The following KIR2DL4 variants were observed in gnomAD, a reference collection of about 807,000 sequenced individuals.
The protein encoded by KIR2DL4 is killer cell immunoglobulin like receptor, two Ig domains and long cytoplasmic tail 4.
A neutral mutation model predicts 31.0 loss-of-function variants in KIR2DL4; 41 were observed. The observed-to-expected ratio is 1.32, with a 90% confidence interval of 1.03 to 1.72. The LOEUF (loss-of-function observed/expected upper bound fraction) is 1.72. Among genes scored for constraint, KIR2DL4 ranks in the 40% most tolerant of loss-of-function variants. The probability of loss-of-function intolerance (pLI) is 0.00; values close to 1 mark genes in which losing one functional copy is unlikely to be tolerated. For missense variants in KIR2DL4, 438 were observed against 353.7 expected, an observed-to-expected ratio of 1.24 and a Z score of -1.91; for synonymous variants, 164 against 133.6, an observed-to-expected ratio of 1.23 and a Z score of -1.57.
intron 6 of KIR2DL4, chr19:54,813,232 A>T (rs1378706411): frequency 2.5e-6 from 4 of 1,587,618 alleles, no homozygotes; most frequent in Non-Finnish European, 3.4e-6. Context: ...AAAAAAAGTA[A>T]GCCTCACGAA....
At chr19:54,806,326 C>T (rs1235057120) in intron 4 of KIR2DL4, 82 bp downstream of exon 4, 1 of 1,407,818 alleles carries the variant, frequency 7.1e-7, no homozygotes, top group Non-Finnish European at 9.8e-7. Flanking sequence ...TGGAGAGAAG[C>T]ATGGACAGAT....
Position 54,808,852 on chromosome 19 carries a change from G to C in KIR2DL4, c.675G>C (p.Trp225Cys). 3 of 1,602,310 alleles carry C rather than the reference G, an allele frequency of 1.9e-6. No individual in the cohort carries two copies. The South Asian group carries it at 3.3e-5, about 18-fold the overall frequency. Residue 225 changes from tryptophan (W) to cysteine (C), a missense_variant, in exon 5 of 8, where the codon TGG becomes TGC. Physicochemically the swap from Trp to Cys is radical, Grantham distance 215 (BLOSUM62 -2). Transcript: ENST00000359085. ...TTCTAGGAAACCCTTCTAGTAGTTG[G>C]CCTTCACCCACTGAACCAAGCTTCA...
intron 2 of KIR2DL4, among the ~76,000 whole-genome samples, 188 bp downstream of exon 2, chr19:54,804,114 G>T (rs1038520440): frequency 2.0e-5 from 3 of 150,892 alleles, no homozygotes; most frequent in African/African-American, 7.4e-5. Context: ...AGGAGATCCT[G>T]GGAGTCTCTC....
At chr19:54,804,696 G>C (rs1353240457) in intron 2 of KIR2DL4, 97 bp from the exon 3 acceptor site, 1 of 1,340,002 alleles carries the variant, frequency 7.5e-7, no homozygotes, top group Admixed American at 2.0e-5. Context: ...TGTGGTAGGA[G>C]CCTTAGAAAG....
At chr19:54,813,969 T>G in exon 8 of KIR2DL4, 2 of 1,612,178 alleles carry the variant, frequency 1.2e-6, no homozygotes, top group East Asian at 4.5e-5. Flanking sequence ...AGCGTGTGTA[T>G]AGAACTTCCA....
At chr19:54,807,768 C>A (rs2060615662) in intron 4 of KIR2DL4, among the ~76,000 whole-genome samples, 1 of 149,044 alleles carries the variant, frequency 6.7e-6, no homozygotes, top group Non-Finnish European at 1.5e-5. Context: ...CTTCCATATT[C>A]TTCTCCTCTG....
chr19:54,803,727 C>T, intron 1 of KIR2DL4, 36 bp downstream of exon 1: 1 of 1,604,158 alleles, frequency 6.2e-7, no homozygotes, highest in African/African-American at 1.4e-5. Flanking sequence ...CAGGGTTACA[C>T]TATGGGCCTG....
intron 6 of KIR2DL4, chr19:54,813,331 C>T (rs1270998080): frequency 2.6e-6 from 4 of 1,544,676 alleles, no homozygotes; most frequent in Non-Finnish European, 3.5e-6. Context: ...GTCTCTGGCC[C>T]AAGGCAGGAG....
intron 5 of KIR2DL4, among the ~76,000 whole-genome samples, chr19:54,809,639 C>G (rs992444885): frequency 6.6e-6 from 1 of 151,380 alleles, no homozygotes; most frequent in African/African-American, 2.4e-5. Context: ...GGCTCCTGGT[C>G]CCCGTCTTCC....
chr19:54,804,040 C>A (rs2060342249), intron 2 of KIR2DL4, 114 bp downstream of exon 2: 3 of 849,256 alleles, frequency 3.5e-6, no homozygotes, highest in Non-Finnish European at 5.5e-6. Flanking sequence ...CATGGGAAGG[C>A]CTGGGGGGAG....
exon 8 of KIR2DL4, chr19:54,814,126 A>G (rs2061066596): frequency 2.6e-5 from 41 of 1,607,434 alleles, no homozygotes; most frequent in Non-Finnish European, 3.4e-5. Context: ...GTGAGTCTCC[A>G]TCTTAGAGCA....
At chr19:54,806,139 CTGGGTCCTG>C in exon 4 of KIR2DL4, 1 of 1,612,150 alleles carries the variant, frequency 6.2e-7, no homozygotes, top group South Asian at 1.1e-5. Flanking sequence ...CGACTTCCCT[CTGGGTCCTG>C]CCACCCACGG....
At chr19:54,810,365 G>C (rs1257043022) in intron 5 of KIR2DL4, among the ~76,000 whole-genome samples, 5 of 151,082 alleles carry the variant, frequency 3.3e-5, no homozygotes, top group African/African-American at 9.8e-5. Flanking sequence ...AACCTTAAGG[G>C]ATCCGCCCGT....
intron 3 of KIR2DL4, among the ~76,000 whole-genome samples, chr19:54,805,680 A>C (rs1459705068): frequency 6.6e-6 from 1 of 151,270 alleles, no homozygotes; most frequent in African/African-American, 2.4e-5. Flanking sequence ...CAGCAACAAC[A>C]GGAAACCAAC....
chr19:54,806,548 T>C (rs1425445793), intron 4 of KIR2DL4, among the ~76,000 whole-genome samples: 1 of 151,202 alleles, frequency 6.6e-6, no homozygotes, highest in Non-Finnish European at 1.5e-5. Context: ...CCCTCAACCT[T>C]ACCCATTTCC....
chr19:54,810,517 T>C (rs2060798773), intron 5 of KIR2DL4, among the ~76,000 whole-genome samples: 1 of 150,744 alleles, frequency 6.6e-6, no homozygotes, highest in Non-Finnish European at 1.5e-5. Context: ...GTGACCTTAA[T>C]GAAAAAAATA....
chr19:54,808,928 A>G, intron 5 of KIR2DL4, 45 bp downstream of exon 5: 1 of 1,483,194 alleles, frequency 6.7e-7, no homozygotes, highest in Non-Finnish European at 9.4e-7. Flanking sequence ...AAACCTGGGG[A>G]GGTAGAAGCC....
chr19:54,811,622 C>T (rs1452151183), intron 5 of KIR2DL4, among the ~76,000 whole-genome samples: 6 of 151,370 alleles, frequency 4.0e-5, no homozygotes, highest in Admixed American at 6.6e-5. Flanking sequence ...GAATAGAGAA[C>T]GTGATCTGTT....
chr19:54,810,919 C>A (rs2060829618), intron 5 of KIR2DL4, among the ~76,000 whole-genome samples: 1 of 150,666 alleles, frequency 6.6e-6, no homozygotes, highest in South Asian at 2.1e-4. Context: ...GAAAGATGGA[C>A]ACAAGATGTG....
Sources: allele counts gnomAD v4.1 joint callset (sites outside exome capture counted in the v4.1 genomes callset), GRCh38; gene constraint gnomAD v4.1.1; transcripts MANE v1.5; gene names NCBI Gene and HGNC (gene_info 2026-07-23, HGNC 2026-07-21).